Variants in GALNT17 observed in about 807,000 individuals in gnomAD.
The protein encoded by GALNT17 is polypeptide N-acetylgalactosaminyltransferase 17.
GALNT17 carries 29 observed loss-of-function variants against 63.7 expected under a neutral mutation model. That is an observed-to-expected ratio of 0.46 (90% CI 0.34 to 0.62). GALNT17 has a LOEUF of 0.62. GALNT17 is among the 20% of genes least tolerant of loss of function. The probability of loss-of-function intolerance (pLI) is 0.01; values close to 1 mark genes in which losing one functional copy is unlikely to be tolerated. For synonymous variants in GALNT17, 305 were observed against 318.3 expected, an observed-to-expected ratio of 0.96 and a Z score of 0.45; for missense variants, 603 against 799.6, an observed-to-expected ratio of 0.75 and a Z score of 2.97.
chr7:71,214,029 T>G (rs1789429703), intron 1 of GALNT17, among the ~76,000 whole-genome samples: 1 of 152,248 alleles, frequency 6.6e-6, no homozygotes, highest in African/African-American at 2.4e-5. Context: ...TTAATAGTTC[T>G]GTCTTTGATA....
At chr7:71,388,763 G>A (rs1420962424) in intron 3 of GALNT17, among the ~76,000 whole-genome samples, 1 of 152,124 alleles carries the variant, frequency 6.6e-6, no homozygotes, top group Non-Finnish European at 1.5e-5. Context: ...CTGAACTCAG[G>A]TGATCCGCTC....
At chr7:71,220,489 C>T (rs1789563630) in intron 1 of GALNT17, among the ~76,000 whole-genome samples, 1 of 152,174 alleles carries the variant, frequency 6.6e-6, no homozygotes, top group African/African-American at 2.4e-5. Context: ...TGCGACTGAA[C>T]CTTCACCCAG....
chr7:71,641,875 T>A (rs1288529228), intron 6 of GALNT17, among the ~76,000 whole-genome samples: 1 of 152,160 alleles, frequency 6.6e-6, no homozygotes, highest in Admixed American at 6.5e-5. Flanking sequence ...GATGATGATG[T>A]TCTTGATAGT....
intron 1 of GALNT17, among the ~76,000 whole-genome samples, chr7:71,159,302 G>T (rs971378713): frequency 6.6e-6 from 1 of 151,888 alleles, no homozygotes; most frequent in Non-Finnish European, 1.5e-5. Flanking sequence ...ACGTTGAGAG[G>T]TTCCTTGGAC....
intron 8 of GALNT17, among the ~76,000 whole-genome samples, chr7:71,672,702 C>G (rs1215025675): frequency 1.3e-5 from 2 of 152,160 alleles, no homozygotes; most frequent in Non-Finnish European, 2.9e-5. Flanking sequence ...CAGGCACACG[C>G]CACCACGCCC....
chr7:71,327,328 G>T (rs1791722108), intron 1 of GALNT17, among the ~76,000 whole-genome samples: 1 of 152,176 alleles, frequency 6.6e-6, no homozygotes. Context: ...AAGGGGAAAG[G>T]CATGTCTTAC....
At chr7:71,496,614 G>C (rs562598223) in intron 5 of GALNT17, among the ~76,000 whole-genome samples, 34 of 152,266 alleles carry the variant, frequency 2.2e-4, no homozygotes, top group African/African-American at 7.7e-4. Flanking sequence ...GACCATGAGG[G>C]AGGGTGAGGA....
At chr7:71,225,329 A>G (rs1789661570) in intron 1 of GALNT17, among the ~76,000 whole-genome samples, 1 of 152,230 alleles carries the variant, frequency 6.6e-6, no homozygotes, top group South Asian at 2.1e-4. Flanking sequence ...TAGAGCATGC[A>G]CTAGGGATTA....
rs575040820 is a variant in GALNT17 at position 71,181,369 on chromosome 7, G to A, written c.238+48329G>A. ...TCAAAAGAGGAACTGAGAGGAAATA[G>A]GAGTCTGGATATAGGACAGAAAAGA... is the stretch of plus-strand genomic sequence containing the variant. On this transcript the variant is annotated intron_variant, in intron 1 of 10. Transcript: ENST00000333538. Among the ~76,000 whole-genome samples the A allele has an allele frequency of 5.9e-5, 9 of 152,224 alleles. No homozygotes were observed. In the East Asian group the frequency reaches 1.7e-3, roughly 29 times the overall value.
intron 1 of GALNT17, among the ~76,000 whole-genome samples, chr7:71,190,993 G>A (rs1021277100): frequency 5.3e-5 from 8 of 152,088 alleles, no homozygotes; most frequent in African/African-American, 1.2e-4. Context: ...TAGGGGGCCC[G>A]GTTCAGAGGT....
At chr7:71,173,999 TCTGA>T (rs1788591011) in intron 1 of GALNT17, among the ~76,000 whole-genome samples, 2 of 152,136 alleles carry the variant, frequency 1.3e-5, no homozygotes, top group Non-Finnish European at 2.9e-5. Flanking sequence ...TACACTTGTG[TCTGA>T]ACCAACTTCT....
intron 9 of GALNT17, among the ~76,000 whole-genome samples, chr7:71,681,599 C>T (rs1791263223): frequency 6.6e-6 from 1 of 152,202 alleles, no homozygotes; most frequent in African/African-American, 2.4e-5. Flanking sequence ...CACTCCTGGG[C>T]CCCATGGCTG....
At chr7:71,639,193 G>A (rs1318421219) in intron 6 of GALNT17, among the ~76,000 whole-genome samples, 3 of 151,966 alleles carry the variant, frequency 2.0e-5, no homozygotes, top group Admixed American at 6.6e-5. Context: ...AAAACGTCTC[G>A]TGTACCCCAT....
chr7:71,674,715 C>A (rs1329934108), intron 8 of GALNT17, among the ~76,000 whole-genome samples: 1 of 152,128 alleles, frequency 6.6e-6, no homozygotes, highest in Non-Finnish European at 1.5e-5. Context: ...TGGGGTCTCA[C>A]TATGTTGCCC....
At chr7:71,306,980 C>T (rs1388145189) in intron 1 of GALNT17, among the ~76,000 whole-genome samples, 1 of 152,098 alleles carries the variant, frequency 6.6e-6, no homozygotes, top group African/African-American at 2.4e-5. Context: ...CCCACCACCA[C>T]ACCTGGCTAA....
intron 6 of GALNT17, among the ~76,000 whole-genome samples, chr7:71,629,220 G>A (rs187919330): frequency 2.3e-4 from 35 of 152,184 alleles, no homozygotes; most frequent in African/African-American, 8.4e-4. Flanking sequence ...GAGTGAGGGG[G>A]CAGAGGAATA....
intron 4 of GALNT17, 143 bp from the exon 5 acceptor site, chr7:71,420,765 C>T (rs1013158643): frequency 6.2e-6 from 6 of 961,326 alleles, no homozygotes; most frequent in African/African-American, 1.6e-5. Flanking sequence ...GGGCAGGTCC[C>T]TGGGAGCCTC....
chr7:71,133,547 C>T (rs541561368), intron 1 of GALNT17, among the ~76,000 whole-genome samples: 7 of 152,256 alleles, frequency 4.6e-5, no homozygotes, highest in African/African-American at 1.7e-4. Flanking sequence ...AATATGTCAT[C>T]TGTCTATGAG....
At chr7:71,147,952 C>G (rs1430499127) in intron 1 of GALNT17, among the ~76,000 whole-genome samples, 1 of 152,118 alleles carries the variant, frequency 6.6e-6, no homozygotes, top group African/African-American at 2.4e-5. Flanking sequence ...ATTTCAAAAG[C>G]CCTTCATTCT....
Sources: allele counts gnomAD v4.1 joint callset (sites outside exome capture counted in the v4.1 genomes callset), GRCh38; gene constraint gnomAD v4.1.1; transcripts MANE v1.5; gene names NCBI Gene and HGNC (gene_info 2026-07-23, HGNC 2026-07-21).